The following TRPM6 variants were observed in gnomAD, a reference collection of about 807,000 sequenced individuals.
The protein encoded by TRPM6 is channel kinase 2.
A neutral mutation model predicts 247.6 loss-of-function variants in TRPM6; 111 were observed. The observed-to-expected ratio is 0.45, with a 90% CI of 0.38 to 0.52. The LOEUF (loss-of-function observed/expected upper bound fraction) is 0.52. TRPM6 is among the 20% of genes least tolerant of loss of function. TRPM6 has a pLI of 0.00. For synonymous variants in TRPM6, 892 were observed against 853.8 expected (o/e 1.04, Z -0.78); for missense variants, 2,126 against 2,421.5 (o/e 0.88, Z 2.56).
At chr9:74,838,701 G>A (rs1053254406) in intron 5 of TRPM6, among the ~76,000 whole-genome samples, 4 of 152,132 alleles carry the variant, frequency 2.6e-5, no homozygotes, top group Non-Finnish European at 4.4e-5. Flanking sequence ...TCAAGAAGCT[G>A]TTTGACGAGT....
intron 38 of TRPM6, among the ~76,000 whole-genome samples, chr9:74,725,132 T>C (rs755505580): frequency 6.6e-5 from 10 of 152,170 alleles, no homozygotes; most frequent in Non-Finnish European, 1.0e-4. Flanking sequence ...ATCTCAGTGG[T>C]CAGTTTTCTG....
intron 24 of TRPM6, among the ~76,000 whole-genome samples, chr9:74,773,509 A>G (rs999496298): frequency 1.3e-5 from 2 of 152,342 alleles, no homozygotes; most frequent in South Asian, 2.1e-4. Context: ...ACAATTCTTC[A>G]TCAAACTCCA....
intron 38 of TRPM6, among the ~76,000 whole-genome samples, chr9:74,725,302 G>A (rs1340245843): frequency 6.6e-6 from 1 of 152,140 alleles, no homozygotes; most frequent in Non-Finnish European, 1.5e-5. Context: ...GGAAAATGGA[G>A]TTAAAATGTT....
intron 1 of TRPM6, among the ~76,000 whole-genome samples, chr9:74,881,440 T>G (rs1367652282): frequency 2.0e-5 from 3 of 152,090 alleles, no homozygotes; most frequent in African/African-American, 7.2e-5. Flanking sequence ...CCCCAATATA[T>G]AAAGCAAATA....
At position 74,737,124 on chromosome 9, in the gene TRPM6, T is replaced by C. The variant is rs568709599; in HGVS notation, c.5776+1283A>G. ...TCTGGGTTTATAGGGATCAGGTACT[T>C]GCTGGTCTAAAAGCTGAATCAACTT... On this transcript the variant is annotated intron_variant, in intron 36 of 38. Transcript: ENST00000360774. Among the ~76,000 whole-genome samples the C allele has an allele frequency of 1.6e-3, 249 of 152,296 alleles. 2 individuals are homozygous for C. Among genetic ancestry groups the C allele is most frequent in the African/African-American group, 5.6e-3 (231 of 41,566 alleles).
intron 24 of TRPM6, among the ~76,000 whole-genome samples, chr9:74,773,937 A>G (rs1180604877): frequency 6.6e-6 from 1 of 152,154 alleles, no homozygotes; most frequent in Non-Finnish European, 1.5e-5. Flanking sequence ...TTCTTTCACT[A>G]AAGAATCTCC....
chr9:74,753,594 G>T (rs181496625), intron 28 of TRPM6, among the ~76,000 whole-genome samples: 1 of 152,172 alleles, frequency 6.6e-6, no homozygotes, highest in Non-Finnish European at 1.5e-5. Context: ...TACTCGGGAG[G>T]CTGAGGTGGA....
chr9:74,802,979 T>A (rs1211463586), intron 15 of TRPM6, among the ~76,000 whole-genome samples: 1 of 152,078 alleles, frequency 6.6e-6, no homozygotes, highest in East Asian at 1.9e-4. Flanking sequence ...CCACCCACCT[T>A]CCAAGTTCAA....
At chr9:74,803,386 T>A (rs972157780) in intron 15 of TRPM6, among the ~76,000 whole-genome samples, 10 of 151,942 alleles carry the variant, frequency 6.6e-5, no homozygotes, top group South Asian at 2.1e-4. Context: ...AAGGAAAAAA[T>A]TTTTAAAAAA....
At chr9:74,877,402 A>G (rs1831227293) in intron 1 of TRPM6, among the ~76,000 whole-genome samples, 1 of 152,182 alleles carries the variant, frequency 6.6e-6, no homozygotes, top group Admixed American at 6.6e-5. Context: ...GGGCCCTGAG[A>G]CTAACAGGGA....
chr9:74,844,435 C>T (rs574111518), intron 3 of TRPM6, among the ~76,000 whole-genome samples: 1 of 152,354 alleles, frequency 6.6e-6, no homozygotes, highest in African/African-American at 2.4e-5. Context: ...TGCAGCTCCT[C>T]TGTTAGCATT....
chr9:74,843,119 C>G (rs558197928), intron 3 of TRPM6, among the ~76,000 whole-genome samples: 2 of 152,322 alleles, frequency 1.3e-5, no homozygotes, highest in East Asian at 3.9e-4. Flanking sequence ...CTACAATGGT[C>G]TATCTTCACC....
chr9:74,820,240 A>T (rs1829090905), intron 9 of TRPM6, 64 bp downstream of exon 9: 24 of 1,558,586 alleles, frequency 1.5e-5, no homozygotes, highest in South Asian at 2.2e-5. Context: ...GTGAAAATAA[A>T]TATTACAGTG....
chr9:74,763,452 C>T (rs1826721709), intron 25 of TRPM6, among the ~76,000 whole-genome samples: 1 of 152,202 alleles, frequency 6.6e-6, no homozygotes, highest in African/African-American at 2.4e-5. Context: ...GATCAATCAT[C>T]CCATTTTTAC....
rs550877229 is a variant in TRPM6, at chr9:74,853,962, T to C, written c.152+1565A>G. Among the ~76,000 whole-genome samples, 3 of 152,338 alleles carry C rather than the reference T, an allele frequency of 2.0e-5. No homozygotes were observed. In the East Asian group the frequency reaches 5.8e-4, roughly 29 times the overall value. ...AGTATAGGAAACTTACCCTATCAGATATCAAGACATATATTACAAAACTAT... is the reference window on the plus strand; with the variant it reads ...AGTATAGGAAACTTACCCTATCAGACATCAAGACATATATTACAAAACTAT... On this transcript the variant is annotated intron_variant, in intron 3 of 38. Transcript: ENST00000360774.
In TRPM6 at chr9:74,748,970, G is replaced by A. The variant is rs184515981; in HGVS notation, c.5058-1056C>T. 1.8e-4 allele frequency among the ~76,000 whole-genome samples: 27 copies of A among 152,134 alleles called. No homozygotes were observed. The East Asian group carries it at 5.2e-3, about 29-fold the overall frequency. On this transcript the variant is annotated intron_variant, in intron 30 of 38. Coordinates refer to ENST00000360774, the MANE Select transcript of TRPM6 (RefSeq NM_017662.5). Reference sequence around the variant, plus strand: ...CCATTCATTGTAAGCATCCTATACAGGTGTACCATTTTTTATCTTCTATAC... The same window carrying A: ...CCATTCATTGTAAGCATCCTATACAAGTGTACCATTTTTTATCTTCTATAC...
intron 28 of TRPM6, among the ~76,000 whole-genome samples, chr9:74,754,099 C>G (rs114056630): frequency 2.6e-5 from 4 of 151,198 alleles, no homozygotes; most frequent in Non-Finnish European, 5.9e-5. Context: ...ATATATGACA[C>G]TTATAAATAA....
In TRPM6 at chr9:74,771,658, C is replaced by T. The variant is rs766791732; in HGVS notation, c.3536+45G>A. ...ACCTTTAGATATTCTAGCAGAATCA[C>T]GTTGTGTTAGTGGTTTCAGAATGGA... is the stretch of plus-strand genomic sequence containing the variant. On this transcript the variant is annotated intron_variant, in intron 25 of 38. Coordinates refer to ENST00000360774, the MANE Select transcript of TRPM6 (RefSeq NM_017662.5). The T allele has an allele frequency of 1.2e-5, 19 of 1,597,080 alleles. No homozygotes were observed. In the Admixed American group the frequency reaches 1.8e-4, roughly 15 times the overall value.
At chr9:74,785,616 G>A (rs538634655) in intron 21 of TRPM6, among the ~76,000 whole-genome samples, 133 of 152,142 alleles carry the variant, frequency 8.7e-4, no homozygotes, top group Non-Finnish European at 1.3e-3. Flanking sequence ...TCCGCCTCCC[G>A]GGTTCGTGCT....
Sources: allele counts gnomAD v4.1 joint callset (sites outside exome capture counted in the v4.1 genomes callset), GRCh38; gene constraint gnomAD v4.1.1; transcripts MANE v1.5; gene names NCBI Gene and HGNC (gene_info 2026-07-23, HGNC 2026-07-21).